Variants in RAD54B observed in about 807,000 individuals in gnomAD.
The protein encoded by RAD54B is RAD54 homolog B.
A neutral mutation model predicts 95.8 loss-of-function variants in RAD54B; 78 were observed. The observed-to-expected ratio is 0.81, with a 90% CI of 0.68 to 0.98. The LOEUF (loss-of-function observed/expected upper bound fraction) is 0.98, where lower values mean the gene tolerates loss of function less well. Among genes scored for constraint, RAD54B ranks in the 50% least tolerant of loss-of-function variants. The pLI is 0.00. For missense variants in RAD54B, 957 were observed against 1,056.6 expected (o/e 0.91, Z 1.31); for synonymous variants, 328 against 354.9 (o/e 0.92, Z 0.85).
At chr8:94,465,461 C>T (rs1391502800) in intron 2 of RAD54B, among the ~76,000 whole-genome samples, 3 of 152,150 alleles carry the variant, frequency 2.0e-5, no homozygotes, top group Non-Finnish European at 4.4e-5. Context: ...TGAAATACCA[C>T]TTCACAACTA....
At chr8:94,451,823 G>A (rs1812660373) in intron 3 of RAD54B, among the ~76,000 whole-genome samples, 1 of 151,422 alleles carries the variant, frequency 6.6e-6, no homozygotes, top group South Asian at 2.1e-4. Context: ...GCAACTAAAA[G>A]ACACGATGAC....
chr8:94,391,944 ATACACT>A, intron 9 of RAD54B, 45 bp from the exon 10 acceptor site: 1 of 1,460,794 alleles, frequency 6.8e-7, no homozygotes, highest in Non-Finnish European at 9.3e-7. Flanking sequence ...ATAGACAAAA[ATACACT>A]TAAAATGAAC....
At chr8:94,445,415 C>G (rs1490443560) in intron 3 of RAD54B, among the ~76,000 whole-genome samples, 1 of 152,182 alleles carries the variant, frequency 6.6e-6, no homozygotes, top group African/African-American at 2.4e-5. Context: ...CTTGAGCCCT[C>G]AGTTGCTCCC....
At chr8:94,436,822 A>G (rs1812276831) in intron 3 of RAD54B, 3 of 1,546,526 alleles carry the variant, frequency 1.9e-6, no homozygotes, top group Non-Finnish European at 2.6e-6. Flanking sequence ...TAGCAAATCA[A>G]GCTTTTCGGA....
chr8:94,399,189 C>A (rs1392869308), intron 8 of RAD54B, among the ~76,000 whole-genome samples: 2 of 152,138 alleles, frequency 1.3e-5, no homozygotes, highest in African/African-American at 4.8e-5. Flanking sequence ...AATTCCTTAT[C>A]ATGATATCAT....
chr8:94,442,533 C>T (rs1812426676), intron 3 of RAD54B, among the ~76,000 whole-genome samples: 1 of 150,448 alleles, frequency 6.6e-6, no homozygotes, highest in Non-Finnish European at 1.5e-5. Flanking sequence ...CGAGATCGCG[C>T]CACCGCACTC....
rs745483573 is a variant in RAD54B at position 94,393,875 on chromosome 8, T to C, written c.1386A>G (p.Pro462=). ...CEKRIILTGT[P]IQNDLQEFFA... ...AAAATTCTTGCAGATCATTCTGAAT[T>C]GGAGTACCTAAAGAGAGACAAAAAT... The change falls in exon 9 of 15, where the codon CCA becomes CCG. Residue 462 remains proline, a synonymous_variant. Coordinates refer to ENST00000336148, the MANE Select transcript of RAD54B (RefSeq NM_012415.3). 2.0e-5 allele frequency: 32 copies of C among 1,605,380 alleles called. No homozygotes were observed. The highest frequency in any genetic ancestry group is 2.7e-5 in the Non-Finnish European group (32 of 1,176,008).
In RAD54B at chr8:94,399,591, T is replaced by C. The variant is rs374355978; in HGVS notation, c.1201A>G (p.Ile401Val). The change falls in exon 8 of 15, where the codon ATA becomes GTA. Residue 401 changes from isoleucine to valine, a missense_variant. Physicochemically the swap from Ile to Val is conservative, Grantham distance 29. Coordinates refer to ENST00000336148, the MANE Select transcript of RAD54B (RefSeq NM_012415.3). ...DHKVEEFIKS[I>V]FYSVLIISYE... ...CTGATAATAAGAACAGAATAAAATA[T>C]AGACTTGATGAATTCTTCAACTTTG... The C allele has an allele frequency of 8.4e-5, 136 of 1,611,052 alleles. No individual in the cohort carries two copies. Among genetic ancestry groups the C allele is most frequent in the Non-Finnish European group, 1.1e-4 (130 of 1,179,108 alleles).
chr8:94,413,426 G>T lies in RAD54B; in HGVS notation c.305-2111C>A, dbSNP rs1811576611. Among the ~76,000 whole-genome samples the T allele has an allele frequency of 3.3e-5, 5 of 152,188 alleles. No individual in the cohort carries two copies. The South Asian group carries it at 1.0e-3, about 32-fold the overall frequency. ...ATACGGCGAAATTATTTTCAACAAA[G>T]GTAGGGAAGCAAATTCAATGAGGAA... On this transcript the variant is annotated intron_variant, in intron 3 of 14. Coordinates refer to ENST00000336148, the MANE Select transcript of RAD54B (RefSeq NM_012415.3).
chr8:94,423,146 G>C (rs1811864156), intron 3 of RAD54B, among the ~76,000 whole-genome samples: 2 of 152,228 alleles, frequency 1.3e-5, no homozygotes, highest in Middle Eastern at 3.4e-3. Context: ...CACTTTGGGA[G>C]GCCGAGGCAG....
intron 3 of RAD54B, among the ~76,000 whole-genome samples, chr8:94,457,976 T>A (rs1812815767): frequency 6.6e-6 from 1 of 152,228 alleles, no homozygotes; most frequent in Non-Finnish European, 1.5e-5. Context: ...AAAAAAAATG[T>A]ATAAATCCTA....
intron 6 of RAD54B, among the ~76,000 whole-genome samples, chr8:94,403,846 G>A (rs945814123): frequency 2.0e-5 from 3 of 149,342 alleles, no homozygotes; most frequent in African/African-American, 7.3e-5. Flanking sequence ...AAGGACCGTG[G>A]TCCTGATTCC....
At chr8:94,414,810 G>C (rs1238613294) in intron 3 of RAD54B, among the ~76,000 whole-genome samples, 1 of 151,948 alleles carries the variant, frequency 6.6e-6, no homozygotes, top group Non-Finnish European at 1.5e-5. Context: ...AACTTACAAG[G>C]GACGTGAAGG....
chr8:94,428,253 T>C (rs1387503885), intron 3 of RAD54B: 1 of 949,644 alleles, frequency 1.1e-6, no homozygotes, highest in Non-Finnish European at 1.3e-6. Context: ...AAAAACAAAA[T>C]CACTCTTCTC....
Position 94,380,497 on chromosome 8 carries a change from C to T in RAD54B, c.1986-91G>A, listed in dbSNP as rs1563634841. ...AGAAAATACCACAATAATATTATCA[C>T]TGACATTGAGAGAACATGCAACAAT... On this transcript the variant is annotated intron_variant, in intron 11 of 14. Transcript: ENST00000336148. 1.2e-5 allele frequency: 15 copies of T among 1,269,502 alleles called. No homozygotes were observed. In the East Asian group the frequency reaches 3.7e-4, roughly 31 times the overall value. The allele number at this position is 1,269,502 out of a possible 1,614,324, so 78.6% of individuals were successfully genotyped here.
intron 11 of RAD54B, among the ~76,000 whole-genome samples, chr8:94,386,249 G>A (rs561015213): frequency 2.7e-3 from 405 of 152,098 alleles, no homozygotes; most frequent in African/African-American, 9.4e-3. Flanking sequence ...GACACTGTGG[G>A]ATAAATAAAG....
At chr8:94,423,423 T>C (rs1387759307) in intron 3 of RAD54B, among the ~76,000 whole-genome samples, 1 of 152,148 alleles carries the variant, frequency 6.6e-6, no homozygotes, top group Non-Finnish European at 1.5e-5. Context: ...ATCAGGATCA[T>C]TTTCCAAGTA....
At chr8:94,403,369 A>G (rs1193819101) in intron 6 of RAD54B, among the ~76,000 whole-genome samples, 1 of 152,136 alleles carries the variant, frequency 6.6e-6, no homozygotes, top group Non-Finnish European at 1.5e-5. Context: ...TAGAGACAGA[A>G]GAAAATCTTT....
intron 3 of RAD54B, among the ~76,000 whole-genome samples, chr8:94,413,841 T>TTTTTTTTTTTTC (rs1563647512): frequency 9.6e-4 from 4 of 4,170 alleles, no homozygotes; most frequent in Non-Finnish European, 9.1e-3. Flanking sequence ...TTTTTTTTTC[T>TTTTTTTTTTTTC]TTTTTTTTTT....
Sources: gnomAD v4.1 joint callset for allele counts (sites outside exome capture counted in the v4.1 genomes callset) on GRCh38, gnomAD v4.1.1 for gene constraint, MANE v1.5 for transcripts, NCBI Gene and HGNC (gene_info 2026-07-23, HGNC 2026-07-21) for gene names.